Variants in PLRG1 observed in about 807,000 individuals in gnomAD.
PLRG1 encodes pleiotropic regulator 1 (PRL1 homolog, Arabidopsis).
In PLRG1, 28 loss-of-function variants were observed where a neutral mutation model predicts 74.9. That is an observed-to-expected ratio of 0.37 (90% CI 0.28 to 0.51). PLRG1 has a LOEUF of 0.51. Ranked by LOEUF, PLRG1 falls within the 20% of genes least tolerant of loss-of-function variation. The pLI is 0.91. For synonymous variants in PLRG1, 197 were observed against 212.4 expected, an observed-to-expected ratio of 0.93 and a Z score of 0.63; for missense variants, 445 against 631.9, an observed-to-expected ratio of 0.70 and a Z score of 3.17.
intron 13 of PLRG1, 164 bp from the exon 14 acceptor site, chr4:154,537,643 T>C (rs951288678): frequency 1.8e-6 from 1 of 555,528 alleles, no homozygotes. Flanking sequence ...TACTTTCATT[T>C]GGGCTGGGTT....
Position 154,537,421 on chromosome 4 carries a change from A to T in PLRG1, c.1350T>A (p.Val450=). The T allele has an allele frequency of 6.2e-7, 1 of 1,613,390 alleles. No homozygotes were observed. The highest frequency in any genetic ancestry group is 8.5e-7 in the Non-Finnish European group (1 of 1,179,522). The part of the protein sequence containing the change: ...DWRTGYNFQR[V]HAAVQPGSLD... ...AAGACCCAGGTTGCACAGCTGCGTG[A>T]ACTCTCTGAAAATTGTAGCCAGTTC... The change falls in exon 14 of 15, where the codon GTT becomes GTA. Residue 450 remains valine, a synonymous_variant. Transcript: ENST00000499023.
chr4:154,549,959 G>C (rs1387385675), intron 1 of PLRG1, among the ~76,000 whole-genome samples: 3 of 152,204 alleles, frequency 2.0e-5, no homozygotes, highest in Non-Finnish European at 2.9e-5. Context: ...ATCTTTTAGG[G>C]CACAGACTCA....
intron 4 of PLRG1, 84 bp downstream of exon 4, chr4:154,546,927 G>T: frequency 9.9e-7 from 1 of 1,013,652 alleles, no homozygotes; most frequent in Non-Finnish European, 1.6e-6. Context: ...CATTTTATAG[G>T]CAACAAGAAT....
Position 154,536,641 on chromosome 4 carries a change from TA to T in PLRG1, c.*43del, listed in dbSNP as rs1553960957. On this transcript the variant is annotated 3_prime_UTR_variant, in exon 15 of 15. Coordinates refer to ENST00000499023, the MANE Select transcript of PLRG1 (RefSeq NM_002669.4). Reference sequence around the variant, plus strand: ...CATGAACGCCAAGCTTTTTTTTTTTTAATTAAAAAGAAAAAAAAAGAGAGAG... The same window carrying T: ...CATGAACGCCAAGCTTTTTTTTTTTTATTAAAAAGAAAAAAAAAGAGAGAG... 1 of 1,028,322 alleles carries T rather than the reference TA, an allele frequency of 9.7e-7. No individual in the cohort carries two copies. The highest frequency in any genetic ancestry group is 1.5e-6 in the Non-Finnish European group (1 of 678,378). 63.7% of individuals were successfully genotyped at this position (1,028,322 alleles called of 1,614,324 possible).
At position 154,540,875 on chromosome 4, in the gene PLRG1, C is replaced by T; in HGVS notation, c.747G>A (p.Val249=). Residue 249 remains valine, a synonymous_variant, in exon 9 of 15, where the codon GTG becomes GTA. Coordinates refer to ENST00000499023, the MANE Select transcript of PLRG1 (RefSeq NM_002669.4). The part of the protein sequence containing the change: ...KLSLTGHIST[V]RGVIVSTRSP... Reference sequence around the variant, plus strand: ...TCCTTGTGCTTACTATCACGCCCCGCACAGTACTAATATGCCCAGTCAATG... The same window carrying T: ...TCCTTGTGCTTACTATCACGCCCCGTACAGTACTAATATGCCCAGTCAATG... The T allele has an allele frequency of 8.1e-6, 13 of 1,613,272 alleles. No homozygotes were observed. Among genetic ancestry groups the T allele is most frequent in the East Asian group, 2.2e-5 (1 of 44,884 alleles).
At chr4:154,546,415 G>T in intron 4 of PLRG1, 1 of 553,424 alleles carries the variant, frequency 1.8e-6, no homozygotes, top group Non-Finnish European at 3.2e-6. Flanking sequence ...ACTCAAATTT[G>T]ATTTGATCAC....
At chr4:154,541,847 A>G (rs1729560511) in intron 8 of PLRG1, 2 of 204,956 alleles carry the variant, frequency 9.8e-6, no homozygotes, top group Admixed American at 5.3e-5. Flanking sequence ...CAATGGTAGG[A>G]TTATATACAG....
chr4:154,536,877 G>C, intron 14 of PLRG1, 133 bp from the exon 15 acceptor site: 2 of 555,778 alleles, frequency 3.6e-6, no homozygotes, highest in Non-Finnish European at 3.2e-6. Flanking sequence ...GACAGTTTTA[G>C]GAAGAGTTGA....
Position 154,547,037 on chromosome 4 carries a change from C to A in PLRG1, c.287G>T (p.Gly96Val). Residue 96 changes from glycine to valine, a missense_variant, in exon 4 of 15, where the codon GGT becomes GTT. This residue lies in a region of PLRG1 where 206 missense variants were observed against 210.8 expected (regional missense o/e 0.98). Transcript: ENST00000499023. Reference protein sequence around the residue: ...QGQEVEYFVAGTHPYPPGPGV... With the variant: ...QGQEVEYFVAVTHPYPPGPGV... ...AGGTCCTGGTGGGTATGGATGTGTA[C>A]CTGCCACAAAGTATTCAACTTCTTG... The A allele has an allele frequency of 6.2e-7, 1 of 1,612,262 alleles. No individual in the cohort carries two copies. The highest frequency in any genetic ancestry group is 1.1e-5 in the South Asian group (1 of 91,038).
chr4:154,542,099 T>C (rs372385000), intron 8 of PLRG1, 88 bp downstream of exon 8: 38 of 801,736 alleles, frequency 4.7e-5, no homozygotes, highest in African/African-American at 3.9e-4. Flanking sequence ...GGAACTGCAA[T>C]AGCAATTCCT....
intron 13 of PLRG1, 140 bp downstream of exon 13, chr4:154,537,829 T>G (rs759170553): frequency 2.2e-5 from 12 of 541,388 alleles, no homozygotes; most frequent in Non-Finnish European, 4.0e-5. Context: ...ACACACATAA[T>G]AACATGCAAA....
intron 5 of PLRG1, 45 bp downstream of exon 5, chr4:154,546,078 A>G: frequency 8.1e-7 from 1 of 1,236,570 alleles, no homozygotes; most frequent in South Asian, 1.3e-5. Context: ...AAATGTGAAC[A>G]GTGAAATATG....
At chr4:154,543,833 C>T (rs1186065930) in intron 7 of PLRG1, 1 of 152,036 alleles carries the variant, frequency 6.6e-6, no homozygotes, top group African/African-American at 2.4e-5. Context: ...TGTACATTTT[C>T]TTTTTTAAAA....
chr4:154,546,429 C>A, intron 4 of PLRG1: 1 of 538,938 alleles, frequency 1.9e-6, no homozygotes. Flanking sequence ...TGATCACAGC[C>A]CACATGGTAT....
rs867615378 is a variant in PLRG1 at position 154,538,060 on chromosome 4, G to A, written c.1200C>T (p.Phe400=). ...GATTTTGAATGAAACTTCCATCAGG[G>A]AATTTCCACTGCTTTATGTTATCTG... ...GSPDNIKQWK[F]PDGSFIQNLS... The change falls in exon 13 of 15, where the codon TTC becomes TTT. Residue 400 remains phenylalanine, a synonymous_variant. Transcript: ENST00000499023. 2 of 1,523,962 alleles carry A rather than the reference G, an allele frequency of 1.3e-6. No homozygotes were observed. The highest frequency in any genetic ancestry group is 1.8e-6 in the Non-Finnish European group (2 of 1,109,014). 94.4% of individuals were successfully genotyped at this position (1,523,962 alleles called of 1,614,324 possible). A position where few individuals can be genotyped will look rare whatever the true frequency, so the allele number is the denominator to read the frequency against.
intron 6 of PLRG1, among the ~76,000 whole-genome samples, chr4:154,545,176 G>A (rs1729628055): frequency 6.6e-6 from 1 of 152,114 alleles, no homozygotes; most frequent in Admixed American, 6.5e-5. Context: ...TAGAGAGCCT[G>A]GACAGAAGAC....
At chr4:154,542,648 G>A (rs1039256768) in intron 7 of PLRG1, among the ~76,000 whole-genome samples, 5 of 152,088 alleles carry the variant, frequency 3.3e-5, no homozygotes, top group Non-Finnish European at 7.4e-5. Context: ...CCATCATGAG[G>A]TGAATGGATA....
chr4:154,540,358 C>T (rs768067825), intron 10 of PLRG1: 21 of 582,550 alleles, frequency 3.6e-5, no homozygotes, highest in Non-Finnish European at 4.8e-5. Context: ...CAGAATGGAA[C>T]GTGAGAATAT....
At chr4:154,548,502 T>C (rs1729699088) in intron 2 of PLRG1, among the ~76,000 whole-genome samples, 2 of 152,114 alleles carry the variant, frequency 1.3e-5, no homozygotes, top group Admixed American at 1.3e-4. Flanking sequence ...GTAGAGGTAC[T>C]AGCCAGGTAC....
Sources: gnomAD v4.1 joint callset for allele counts (sites outside exome capture counted in the v4.1 genomes callset) on GRCh38, gnomAD v4.1.1 for gene constraint, gnomAD v4.1.1 regional missense constraint, MANE v1.5 for transcripts, NCBI Gene and HGNC (gene_info 2026-07-23, HGNC 2026-07-21) for gene names.